The following AUTS2 variants were observed in gnomAD, a reference collection of about 807,000 sequenced individuals.
AUTS2 encodes the protein autism susceptibility gene 2 protein.
AUTS2 carries 17 observed loss-of-function variants against 112.4 expected under a neutral mutation model. The ratio of observed to expected loss-of-function variants is 0.15; its 90% CI spans 0.10 to 0.23. The LOEUF (loss-of-function observed/expected upper bound fraction) is 0.23, where lower values mean the gene tolerates loss of function less well. Ranked by LOEUF, AUTS2 falls within the 10% of genes least tolerant of loss-of-function variation. The probability of loss-of-function intolerance (pLI) is 1.00; values close to 1 mark genes in which losing one functional copy is unlikely to be tolerated. For missense variants in AUTS2, 1,510 were observed against 1,701.6 expected (o/e 0.89, Z 1.98); for synonymous variants, 751 against 702.7 (o/e 1.07, Z -1.09).
intron 5 of AUTS2, chr7:70,695,113 G>C (rs930177513): frequency 4.6e-5 from 7 of 152,308 alleles, no homozygotes; most frequent in South Asian, 2.0e-4. Context: ...CGGCCGGATC[G>C]GGGGTCTTTT....
intron 5 of AUTS2, among the ~76,000 whole-genome samples, chr7:70,660,914 C>T (rs1807038411): frequency 1.3e-5 from 2 of 152,314 alleles, no homozygotes; most frequent in Non-Finnish European, 1.5e-5. Context: ...ACCATTAAGT[C>T]ACTGAATCCC....
intron 4 of AUTS2, among the ~76,000 whole-genome samples, chr7:70,312,876 T>TA (rs1442144042): frequency 6.6e-6 from 1 of 152,216 alleles, no homozygotes; most frequent in African/African-American, 2.4e-5. Context: ...CACAGGTAGC[T>TA]AATGTCTTGA....
chr7:70,055,205 C>T (rs779392138), intron 2 of AUTS2, among the ~76,000 whole-genome samples: 16 of 152,032 alleles, frequency 1.1e-4, no homozygotes, highest in Admixed American at 3.3e-4. Context: ...GAGGCCGAGG[C>T]GGGTGGATCA....
intron 4 of AUTS2, among the ~76,000 whole-genome samples, chr7:70,145,510 A>T (rs909314923): frequency 6.6e-6 from 1 of 152,122 alleles, no homozygotes; most frequent in African/African-American, 2.4e-5. Context: ...AGAGGAAAGG[A>T]TATGCTATAA....
intron 5 of AUTS2, among the ~76,000 whole-genome samples, chr7:70,643,542 G>A (rs1289789043): frequency 2.0e-5 from 3 of 152,182 alleles, no homozygotes; most frequent in Non-Finnish European, 4.4e-5. Context: ...CTGCACTCCA[G>A]TCTGGCAACA....
chr7:70,642,649 C>T (rs1340906273), intron 5 of AUTS2, among the ~76,000 whole-genome samples: 2 of 152,162 alleles, frequency 1.3e-5, no homozygotes, highest in Non-Finnish European at 2.9e-5. Flanking sequence ...ACATTCCTTC[C>T]CTACATTCTC....
chr7:69,909,025 A>G (rs1403836079), intron 2 of AUTS2, among the ~76,000 whole-genome samples: 1 of 152,236 alleles, frequency 6.6e-6, no homozygotes, highest in Admixed American at 6.5e-5. Context: ...CAGGTGCTGC[A>G]GGAGCCATAT....
chr7:70,106,462 G>A (rs1201392057), intron 2 of AUTS2, among the ~76,000 whole-genome samples: 1 of 152,194 alleles, frequency 6.6e-6, no homozygotes, highest in East Asian at 1.9e-4. Flanking sequence ...GTGCAAGCCT[G>A]TAATCCCAGC....
At chr7:70,404,533 A>G (rs1794453413) in intron 4 of AUTS2, among the ~76,000 whole-genome samples, 1 of 152,182 alleles carries the variant, frequency 6.6e-6, no homozygotes, top group African/African-American at 2.4e-5. Flanking sequence ...ATCAGGGTCT[A>G]CTTCCAGTTT....
intron 2 of AUTS2, among the ~76,000 whole-genome samples, chr7:70,037,961 C>A: frequency 1.0e-5 from 1 of 98,842 alleles, no homozygotes. Flanking sequence ...TTTGATACCC[C>A]GCCCCCCGCC....
chr7:70,029,515 A>G (rs1800679908), intron 2 of AUTS2, among the ~76,000 whole-genome samples: 1 of 152,132 alleles, frequency 6.6e-6, no homozygotes, highest in Admixed American at 6.6e-5. Flanking sequence ...TATATCCAAA[A>G]GATGCTTCTG....
chr7:69,710,725 A>T (rs897121092), intron 1 of AUTS2, among the ~76,000 whole-genome samples: 2 of 152,246 alleles, frequency 1.3e-5, no homozygotes, highest in African/African-American at 4.8e-5. Context: ...CTGACTGTGA[A>T]CATTTAATCT....
At chr7:69,920,239 A>G (rs1795754253) in intron 2 of AUTS2, among the ~76,000 whole-genome samples, 1 of 151,892 alleles carries the variant, frequency 6.6e-6, no homozygotes, top group Admixed American at 6.6e-5. Flanking sequence ...TCCTAGATGT[A>G]TTCATTTTTG....
chr7:70,249,478 G>A (rs1033330731), intron 4 of AUTS2, among the ~76,000 whole-genome samples: 2 of 152,072 alleles, frequency 1.3e-5, no homozygotes, highest in African/African-American at 4.8e-5. Context: ...AGCTCCTGGG[G>A]CGCGTTCTTA....
In AUTS2 at chr7:70,041,265, T is replaced by C. The variant is rs184852396; in HGVS notation, c.523-76867T>C. Among the ~76,000 whole-genome samples, 236 of 152,290 alleles carry C rather than the reference T, an allele frequency of 1.5e-3. 2 individuals are homozygous for C. Among genetic ancestry groups the C allele is most frequent in the East Asian group, 7.7e-4 (4 of 5,184 alleles). On this transcript the variant is annotated intron_variant, in intron 2 of 18. Transcript: ENST00000342771. Reference sequence around the variant, plus strand: ...AAAACTTCATACTCTCTTAAAAAAATATTATCCATAAAATATACTAATTTT... The same window carrying C: ...AAAACTTCATACTCTCTTAAAAAAACATTATCCATAAAATATACTAATTTT...
intron 6 of AUTS2, among the ~76,000 whole-genome samples, chr7:70,750,226 G>A (rs1048300010): frequency 2.0e-5 from 3 of 152,116 alleles, no homozygotes; most frequent in African/African-American, 4.8e-5. Context: ...ATAGGAAGTG[G>A]GCACAGGGAT....
intron 1 of AUTS2, among the ~76,000 whole-genome samples, chr7:69,630,636 T>C (rs542506958): frequency 6.6e-6 from 1 of 152,372 alleles, no homozygotes; most frequent in East Asian, 1.9e-4. Context: ...TTCTCTGTTT[T>C]TGTTTGTTCA....
At chr7:70,094,031 A>G (rs1804061055) in intron 2 of AUTS2, among the ~76,000 whole-genome samples, 1 of 152,196 alleles carries the variant, frequency 6.6e-6, no homozygotes, top group African/African-American at 2.4e-5. Context: ...TTAGGAAAGC[A>G]TGTATTGACT....
At chr7:69,785,935 A>G (rs1789351293) in intron 1 of AUTS2, among the ~76,000 whole-genome samples, 1 of 152,110 alleles carries the variant, frequency 6.6e-6, no homozygotes, top group African/African-American at 2.4e-5. Context: ...GGTTCAAACG[A>G]TTCTCCTGCT....
Sources: allele counts gnomAD v4.1 joint callset (sites outside exome capture counted in the v4.1 genomes callset), GRCh38; gene constraint gnomAD v4.1.1; transcripts MANE v1.5; gene names NCBI Gene and HGNC (gene_info 2026-07-23, HGNC 2026-07-21).